The following RBFOX3 variants were observed in gnomAD, a reference collection of about 807,000 sequenced individuals.
RBFOX3 encodes the protein RNA binding fox-1 homolog 3.
A neutral mutation model predicts 48.7 loss-of-function variants in RBFOX3; 17 were observed. That is an observed-to-expected ratio of 0.35 (90% CI 0.24 to 0.52). RBFOX3 has a LOEUF of 0.52. Ranked by LOEUF, RBFOX3 falls within the 20% of genes least tolerant of loss-of-function variation. The probability of loss-of-function intolerance (pLI) is 0.94; values close to 1 mark genes in which losing one functional copy is unlikely to be tolerated. For synonymous variants in RBFOX3, 212 were observed against 209.5 expected, an observed-to-expected ratio of 1.01 and a Z score of -0.10; for missense variants, 382 against 497.5, an observed-to-expected ratio of 0.77 and a Z score of 2.21.
At chr17:79,112,908 G>GCGGT (rs1181305662) in intron 5 of RBFOX3, among the ~76,000 whole-genome samples, 1 of 135,290 alleles carries the variant, frequency 7.4e-6, no homozygotes, top group Non-Finnish European at 1.6e-5. Flanking sequence ...GGCTCTCGGG[G>GCGGT]GGGGGGTGGG....
chr17:79,245,900 C>T (rs2063105759), intron 3 of RBFOX3, among the ~76,000 whole-genome samples: 1 of 152,080 alleles, frequency 6.6e-6, no homozygotes, highest in African/African-American at 2.4e-5. Context: ...TGCTGGGATT[C>T]CAGACATGAG....
chr17:79,370,362 G>A (rs2058352271), intron 2 of RBFOX3, among the ~76,000 whole-genome samples: 1 of 152,204 alleles, frequency 6.6e-6, no homozygotes. Flanking sequence ...CTTGCAGAAT[G>A]CACTTGCTGC....
chr17:79,183,768 A>G (rs762621553), intron 4 of RBFOX3, among the ~76,000 whole-genome samples: 23 of 152,294 alleles, frequency 1.5e-4, no homozygotes, highest in Non-Finnish European at 2.6e-4. Flanking sequence ...GCGTACTCCA[A>G]CATCAAACGG....
At chr17:79,357,116 G>C (rs1469739779) in intron 2 of RBFOX3, among the ~76,000 whole-genome samples, 1 of 152,238 alleles carries the variant, frequency 6.6e-6, no homozygotes, top group Non-Finnish European at 1.5e-5. Flanking sequence ...ACCCGCTGGT[G>C]ACAAACTCGG....
Position 79,484,130 on chromosome 17 carries a change from TC to T in RBFOX3, c.-319-1533del, listed in dbSNP as rs1360925115. ...AGTGGCTGAGCTGTGTCTCCCTGAA[TC>T]CCCCCCACCACTGGCACCACCCAGA... On this transcript the variant is annotated intron_variant, in intron 1 of 14. Coordinates refer to ENST00000693108, the MANE Select transcript of RBFOX3 (RefSeq NM_001350451.2). Among the ~76,000 whole-genome samples, 32 of 151,740 alleles carry T rather than the reference TC, an allele frequency of 2.1e-4. No individual in the cohort carries two copies. The East Asian group carries it at 3.1e-3, about 15-fold the overall frequency.
At chr17:79,144,756 T>C (rs142600339) in intron 4 of RBFOX3, among the ~76,000 whole-genome samples, 54 of 152,250 alleles carry the variant, frequency 3.5e-4, no homozygotes, top group African/African-American at 1.3e-3. Flanking sequence ...GAGGACTAGG[T>C]GCCCCCCACT....
chr17:79,489,617 A>G (rs2149575108), intron 1 of RBFOX3, among the ~76,000 whole-genome samples: 1 of 152,242 alleles, frequency 6.6e-6, no homozygotes, highest in South Asian at 2.1e-4. Flanking sequence ...TTTTAAAACC[A>G]TGGAATTCTC....
intron 2 of RBFOX3, among the ~76,000 whole-genome samples, chr17:79,475,953 C>G (rs967440597): frequency 6.6e-6 from 1 of 152,192 alleles, no homozygotes; most frequent in Non-Finnish European, 1.5e-5. Flanking sequence ...TCGTGAGAAG[C>G]CACCCAGTCT....
chr17:79,490,740 G>GAA (rs1342088653), intron 1 of RBFOX3, among the ~76,000 whole-genome samples: 2 of 150,584 alleles, frequency 1.3e-5, no homozygotes, highest in African/African-American at 4.9e-5. Context: ...GAGAGAGAGA[G>GAA]AGAGAACAGG....
At chr17:79,430,494 G>A (rs2148875834) in intron 2 of RBFOX3, among the ~76,000 whole-genome samples, 1 of 152,258 alleles carries the variant, frequency 6.6e-6, no homozygotes, top group Admixed American at 6.5e-5. Context: ...GCTTTTGCAA[G>A]TACTTTTGTT....
chr17:79,574,767 G>T (rs967672670), intron 1 of RBFOX3, among the ~76,000 whole-genome samples: 2 of 152,282 alleles, frequency 1.3e-5, no homozygotes, highest in African/African-American at 2.4e-5. Context: ...TCACAGGTTC[G>T]CTGAGTGAGA....
chr17:79,624,648 G>A, the RBFOX3 span, among the ~76,000 whole-genome samples: 8 of 152,262 alleles, frequency 5.3e-5, no homozygotes, highest in South Asian at 6.2e-4. Context: ...GGATTTTCTC[G>A]GGACCTGCTT....
chr17:79,587,085 G>A (rs2093273334), intron 1 of RBFOX3, among the ~76,000 whole-genome samples: 1 of 152,204 alleles, frequency 6.6e-6, no homozygotes, highest in South Asian at 2.1e-4. Flanking sequence ...CCGGTCCCAA[G>A]AAGTCTGTAG....
chr17:79,184,934 C>T (rs2053089029), intron 4 of RBFOX3, among the ~76,000 whole-genome samples: 1 of 152,220 alleles, frequency 6.6e-6, no homozygotes, highest in Non-Finnish European at 1.5e-5. Context: ...TCTGAGATCC[C>T]TGTTGCACCC....
chr17:79,575,078 C>T (rs959970772), intron 1 of RBFOX3, among the ~76,000 whole-genome samples: 2 of 152,200 alleles, frequency 1.3e-5, no homozygotes, highest in South Asian at 2.1e-4. Flanking sequence ...GGGTCTACCC[C>T]CTAGGTTCTG....
At chr17:79,626,020 T>C in the RBFOX3 span, among the ~76,000 whole-genome samples, 1 of 152,108 alleles carries the variant, frequency 6.6e-6, no homozygotes, top group Non-Finnish European at 1.5e-5. Flanking sequence ...GAACAGTTAG[T>C]GGGAAATAGT....
At chr17:79,096,467 CTG>C (rs1206551692) in intron 12 of RBFOX3, among the ~76,000 whole-genome samples, 184 bp downstream of exon 12, 1 of 151,962 alleles carries the variant, frequency 6.6e-6, no homozygotes, top group Non-Finnish European at 1.5e-5. Flanking sequence ...AACAACCAAA[CTG>C]TGCCATGCTG....
intron 1 of RBFOX3, among the ~76,000 whole-genome samples, chr17:79,484,282 C>T (rs1214307096): frequency 6.6e-6 from 1 of 152,224 alleles, no homozygotes; most frequent in African/African-American, 2.4e-5. Context: ...AGAGCAGAAC[C>T]AGCATCACAG....
At chr17:79,289,736 A>G (rs1486206362) in intron 3 of RBFOX3, among the ~76,000 whole-genome samples, 3 of 152,232 alleles carry the variant, frequency 2.0e-5, no homozygotes, top group Non-Finnish European at 4.4e-5. Context: ...TTCCCCCAGA[A>G]AGTGGCGTAT....
Sources: allele counts gnomAD v4.1 joint callset (sites outside exome capture counted in the v4.1 genomes callset), GRCh38; gene constraint gnomAD v4.1.1; transcripts MANE v1.5; gene names NCBI Gene and HGNC (gene_info 2026-07-23, HGNC 2026-07-21).